TMEM135: variants seen among roughly 807,000 people sequenced by gnomAD.
TMEM135 encodes transmembrane protein 135.
In TMEM135, 30 loss-of-function variants were observed where a neutral mutation model predicts 60.3. The ratio of observed to expected loss-of-function variants is 0.50; its 90% CI spans 0.37 to 0.68. TMEM135 has a LOEUF of 0.68. TMEM135 is among the 30% of genes least tolerant of loss of function. The pLI, the probability that TMEM135 is intolerant of heterozygous loss-of-function variation, is 0.00. For missense variants in TMEM135, 468 were observed against 548.8 expected (o/e 0.85, Z 1.47); for synonymous variants, 190 against 186.7 (o/e 1.02, Z -0.14).
At position 87,248,206 on chromosome 11, in the gene TMEM135, G is replaced by T. The variant is rs564109542; in HGVS notation, c.509+11522G>T. Among the ~76,000 whole-genome samples, 116 of 152,126 alleles carry T rather than the reference G, an allele frequency of 7.6e-4. 1 individual carries two copies. In the South Asian group the frequency reaches 0.022, roughly 28 times the overall value. On this transcript the variant is annotated intron_variant, in intron 6 of 14. Coordinates refer to ENST00000305494, the MANE Select transcript of TMEM135 (RefSeq NM_022918.4). ...TGATATACTGATTTGCTTTCTTTTG[G>T]GAGTACACCTAGCAGTGAGATTGCT...
At chr11:87,107,681 G>A (rs1191434264) in intron 4 of TMEM135, among the ~76,000 whole-genome samples, 1 of 152,096 alleles carries the variant, frequency 6.6e-6, no homozygotes, top group African/African-American at 2.4e-5. Flanking sequence ...CATTTGGGTT[G>A]GTTCCAAGTC....
chr11:87,077,523 G>GAAAA (rs1856899448), intron 3 of TMEM135, among the ~76,000 whole-genome samples: 1 of 151,976 alleles, frequency 6.6e-6, no homozygotes, highest in Non-Finnish European at 1.5e-5. Context: ...TTTCATATAC[G>GAAAA]TGTTAGATTT....
intron 6 of TMEM135, among the ~76,000 whole-genome samples, chr11:87,258,043 A>T (rs888560565): frequency 6.6e-6 from 1 of 152,140 alleles, no homozygotes; most frequent in Non-Finnish European, 1.5e-5. Context: ...GTATGAATAG[A>T]AATTACATTT....
chr11:87,041,240 C>T lies in TMEM135; in HGVS notation c.141+3054C>T, dbSNP rs913087103. 2.6e-5 allele frequency among the ~76,000 whole-genome samples: 4 copies of T among 151,296 alleles called. No individual in the cohort carries two copies. In the Admixed American group the frequency reaches 2.6e-4, roughly 10 times the overall value. ...AAGGTTAGAGACATTAAGTGATTCACAAGATTTAGAGCTAGTAAGGAAAAA... is the reference window on the plus strand; with the variant it reads ...AAGGTTAGAGACATTAAGTGATTCATAAGATTTAGAGCTAGTAAGGAAAAA... On this transcript the variant is annotated intron_variant, in intron 1 of 14. Coordinates refer to ENST00000305494, the MANE Select transcript of TMEM135 (RefSeq NM_022918.4).
intron 6 of TMEM135, among the ~76,000 whole-genome samples, chr11:87,288,058 T>G (rs762352982): frequency 2.6e-5 from 4 of 152,182 alleles, no homozygotes; most frequent in African/African-American, 4.8e-5. Context: ...TATATTTTCC[T>G]GCATGCCTCT....
chr11:87,089,869 G>A (rs1857170261), intron 3 of TMEM135, among the ~76,000 whole-genome samples: 1 of 151,866 alleles, frequency 6.6e-6, no homozygotes, highest in Non-Finnish European at 1.5e-5. Context: ...ATAGAAAAAA[G>A]GACATTAAAA....
chr11:87,131,549 G>A (rs1283774750), intron 4 of TMEM135, among the ~76,000 whole-genome samples: 1 of 152,082 alleles, frequency 6.6e-6, no homozygotes, highest in Non-Finnish European at 1.5e-5. Context: ...TATTGCCTAA[G>A]ACTACCATGA....
intron 6 of TMEM135, among the ~76,000 whole-genome samples, chr11:87,268,893 A>G (rs968715242): frequency 6.6e-6 from 1 of 152,134 alleles, no homozygotes; most frequent in Non-Finnish European, 1.5e-5. Context: ...GATTGAAAAG[A>G]CAGTTCTGCT....
At chr11:87,285,368 C>T (rs140911020) in intron 6 of TMEM135, among the ~76,000 whole-genome samples, 3,861 of 152,214 alleles carry the variant, frequency 0.025, 61 homozygotes, top group Admixed American at 0.038. Context: ...CAGACCCTCG[C>T]GGTGAGTGTT....
intron 12 of TMEM135, among the ~76,000 whole-genome samples, chr11:87,315,796 A>C (rs1942718204): frequency 6.6e-6 from 1 of 151,964 alleles, no homozygotes; most frequent in Non-Finnish European, 1.5e-5. Flanking sequence ...AAGTTGACCC[A>C]TGAGTCTTTA....
chr11:87,294,822 G>A (rs994412588), intron 6 of TMEM135, among the ~76,000 whole-genome samples: 1 of 152,180 alleles, frequency 6.6e-6, no homozygotes, highest in African/African-American at 2.4e-5. Context: ...AACAGCAGCA[G>A]AATGTTGTAA....
intron 6 of TMEM135, among the ~76,000 whole-genome samples, chr11:87,246,398 T>C (rs1941272241): frequency 6.6e-6 from 1 of 151,912 alleles, no homozygotes; most frequent in Non-Finnish European, 1.5e-5. Flanking sequence ...AATGTTGGCC[T>C]GCCTTGCTAG....
intron 4 of TMEM135, among the ~76,000 whole-genome samples, chr11:87,140,997 C>T (rs961056197): frequency 6.7e-6 from 1 of 149,422 alleles, no homozygotes; most frequent in Non-Finnish European, 1.5e-5. Context: ...GTCTTGATTA[C>T]TTGAATCTTT....
intron 6 of TMEM135, among the ~76,000 whole-genome samples, chr11:87,294,650 T>G (rs1382211289): frequency 6.6e-6 from 1 of 152,242 alleles, no homozygotes; most frequent in African/African-American, 2.4e-5. Flanking sequence ...CCCAAAGTGC[T>G]GAGATTACAG....
At chr11:87,055,392 C>G (rs963230027) in intron 1 of TMEM135, among the ~76,000 whole-genome samples, 1 of 152,196 alleles carries the variant, frequency 6.6e-6, no homozygotes. Context: ...AAGTTAACTG[C>G]CTACAAACAC....
chr11:87,311,431 T>C (rs1942639697), intron 10 of TMEM135, among the ~76,000 whole-genome samples: 2 of 152,086 alleles, frequency 1.3e-5, no homozygotes, highest in African/African-American at 4.8e-5. Flanking sequence ...CATGTTTATA[T>C]TCACATTTAA....
chr11:87,059,820 T>A (rs1949929299), intron 1 of TMEM135, among the ~76,000 whole-genome samples: 1 of 152,232 alleles, frequency 6.6e-6, no homozygotes, highest in South Asian at 2.1e-4. Context: ...AAAGTACTTA[T>A]TAACAGATCT....
At chr11:87,276,977 T>TA (rs1941980319) in intron 6 of TMEM135, among the ~76,000 whole-genome samples, 1 of 151,528 alleles carries the variant, frequency 6.6e-6, no homozygotes, top group Non-Finnish European at 1.5e-5. Context: ...TGGCTTTTTT[T>TA]TAAAAAATAA....
Position 87,157,286 on chromosome 11 carries a change from T to G in TMEM135, c.397-55T>G, listed in dbSNP as rs184332132. ...CACATTTAGGGTGTGGGATATACAA[T>G]TGAGGAGAGATTGTAGATCATATAT... On this transcript the variant is annotated intron_variant, in intron 4 of 14. Transcript: ENST00000305494. 2.7e-6 allele frequency: 4 copies of G among 1,493,862 alleles called. No individual in the cohort carries two copies. The Admixed American group carries it at 6.8e-5, about 25-fold the overall frequency. The allele number at this position is 1,493,862 out of a possible 1,614,324, so 92.5% of individuals were successfully genotyped here. A position where few individuals can be genotyped will look rare whatever the true frequency, so the allele number is the denominator to read the frequency against.
Sources: gnomAD v4.1 joint callset for allele counts (sites outside exome capture counted in the v4.1 genomes callset) on GRCh38, gnomAD v4.1.1 for gene constraint, MANE v1.5 for transcripts, NCBI Gene and HGNC (gene_info 2026-07-23, HGNC 2026-07-21) for gene names.